Variants in AADAC observed in about 807,000 individuals in gnomAD.
The protein encoded by AADAC is arylacetamide deacetylase, also known as arylacetamide deacetylase (esterase).
Under a neutral mutation model 22.7 loss-of-function variants are expected in AADAC, and 17 were observed. That is an observed-to-expected ratio of 0.75 (90% confidence interval 0.51 to 1.12). AADAC has a LOEUF of 1.12. AADAC is among the 50% of genes most tolerant of loss of function. The pLI, the probability that AADAC is intolerant of heterozygous loss-of-function variation, is 0.00. For missense variants in AADAC, 465 were observed against 473.9 expected, an observed-to-expected ratio of 0.98 and a Z score of 0.17; for synonymous variants, 167 against 176.3, an observed-to-expected ratio of 0.95 and a Z score of 0.42.
At chr3:151,819,562 T>C (rs1420481857) in intron 2 of AADAC, among the ~76,000 whole-genome samples, 2 of 151,960 alleles carry the variant, frequency 1.3e-5, no homozygotes, top group Admixed American at 1.3e-4. Flanking sequence ...GTAGGAGAAT[T>C]TTCTTTTATT....
intron 2 of AADAC, 25 bp from the exon 3 acceptor site, chr3:151,820,358 T>A (rs1325586325): frequency 6.5e-7 from 1 of 1,528,536 alleles, no homozygotes; most frequent in Admixed American, 1.9e-5. Context: ...TTTACTAATA[T>A]GTTGCTTTTA....
chr3:151,822,007 C>T (rs1374576502), intron 3 of AADAC, among the ~76,000 whole-genome samples: 2 of 151,624 alleles, frequency 1.3e-5, no homozygotes, highest in Non-Finnish European at 1.5e-5. Flanking sequence ...AGATGAAGAA[C>T]TCCAATATTA....
chr3:151,820,101 A>T (rs900980350), intron 2 of AADAC, among the ~76,000 whole-genome samples: 2 of 151,886 alleles, frequency 1.3e-5, no homozygotes, highest in Non-Finnish European at 2.9e-5. Context: ...AGTTGGGTTA[A>T]TCTAGAGAAT....
At chr3:151,827,068 C>T (rs1223365483) in intron 4 of AADAC, among the ~76,000 whole-genome samples, 2 of 151,800 alleles carry the variant, frequency 1.3e-5, no homozygotes, top group Non-Finnish European at 2.9e-5. Flanking sequence ...GTGTGCGTTA[C>T]CATACCTGGC....
At chr3:151,814,938 C>A (rs1451821731) in intron 1 of AADAC, among the ~76,000 whole-genome samples, 2 of 151,944 alleles carry the variant, frequency 1.3e-5, no homozygotes, top group African/African-American at 4.8e-5. Context: ...ATTTTATTAT[C>A]TTCATTAAAA....
At chr3:151,826,662 TAATATTTCATTCTTATAAGTC>T (rs1012295855) in intron 4 of AADAC, among the ~76,000 whole-genome samples, 51 of 152,112 alleles carry the variant, frequency 3.4e-4, no homozygotes, top group African/African-American at 1.2e-3. Flanking sequence ...ACATATTTTG[TAATATTTCATTCTTATAAGTC>T]TCCTTTTTTC....
chr3:151,817,270 T>C, intron 1 of AADAC, 96 bp from the exon 2 acceptor site: 3 of 1,030,276 alleles, frequency 2.9e-6, no homozygotes, highest in South Asian at 3.2e-5. Flanking sequence ...TTCATTCCAT[T>C]TGAGTTTATT....
At chr3:151,826,712 T>A (rs1021383100) in intron 4 of AADAC, among the ~76,000 whole-genome samples, 14 of 151,924 alleles carry the variant, frequency 9.2e-5, no homozygotes, top group Non-Finnish European at 1.6e-4. Flanking sequence ...TATTGGTATA[T>A]CCCTCTTTAC....
intron 3 of AADAC, among the ~76,000 whole-genome samples, chr3:151,822,926 A>G (rs1716310188): frequency 6.6e-6 from 1 of 151,962 alleles, no homozygotes; most frequent in Admixed American, 6.6e-5. Flanking sequence ...ATTAAAAATT[A>G]AGGGCATACT....
intron 4 of AADAC, among the ~76,000 whole-genome samples, chr3:151,826,675 T>C (rs555069002): frequency 2.0e-5 from 3 of 151,992 alleles, no homozygotes; most frequent in Admixed American, 6.6e-5. Context: ...TATTTCATTC[T>C]TATAAGTCTC....
At chr3:151,824,627 A>G (rs769720562) in intron 3 of AADAC, 36 bp from the exon 4 acceptor site, 2 of 1,441,670 alleles carry the variant, frequency 1.4e-6, no homozygotes, top group Non-Finnish European at 1.8e-6. Context: ...ATCAAAACAA[A>G]CAAAAAAATG....
chr3:151,824,905 T>C (rs988592375), intron 4 of AADAC, 71 bp downstream of exon 4: 10 of 1,215,324 alleles, frequency 8.2e-6, no homozygotes, highest in Admixed American at 6.5e-5. Context: ...TTTATAAACA[T>C]ATTGAATGCA....
At chr3:151,821,708 G>A (rs2037364) in intron 3 of AADAC, among the ~76,000 whole-genome samples, 90,941 of 151,648 alleles carry the variant, frequency 0.6, 27,754 homozygotes, top group Non-Finnish European at 0.64. Context: ...TATAGTATAA[G>A]ACCGACATCT....
intron 2 of AADAC, among the ~76,000 whole-genome samples, chr3:151,819,989 C>T (rs992561711): frequency 1.3e-5 from 2 of 152,092 alleles, no homozygotes; most frequent in African/African-American, 4.8e-5. Flanking sequence ...CCTTGGCTCA[C>T]ATATCTGACA....
chr3:151,815,584 A>AT (rs1248724220), intron 1 of AADAC, among the ~76,000 whole-genome samples: 1 of 151,536 alleles, frequency 6.6e-6, no homozygotes, highest in Admixed American at 6.6e-5. Context: ...GAGGTCTTTG[A>AT]TTTTTTTCTT....
intron 3 of AADAC, among the ~76,000 whole-genome samples, chr3:151,822,391 C>A (rs2108031750): frequency 6.6e-6 from 1 of 152,026 alleles, no homozygotes; most frequent in South Asian, 2.1e-4. Context: ...AAAGTGGAAG[C>A]AACCCAATGT....
intron 2 of AADAC, among the ~76,000 whole-genome samples, chr3:151,818,110 G>A (rs1009857353): frequency 6.6e-6 from 1 of 151,468 alleles, no homozygotes; most frequent in Non-Finnish European, 1.5e-5. Flanking sequence ...GTGTGGTGGC[G>A]GGCACACATT....
intron 1 of AADAC, 121 bp from the exon 2 acceptor site, chr3:151,817,245 T>C (rs1322830962): frequency 3.8e-6 from 3 of 792,112 alleles, no homozygotes; most frequent in Non-Finnish European, 4.1e-6. Flanking sequence ...GCAGGATTCA[T>C]GCATGAAAAT....
chr3:151,820,001 C>T (rs945675538), intron 2 of AADAC, among the ~76,000 whole-genome samples: 2 of 152,034 alleles, frequency 1.3e-5, no homozygotes, highest in Non-Finnish European at 1.5e-5. Context: ...TATCTGACAA[C>T]GTATTGATCA....
Sources: gnomAD v4.1 joint callset for allele counts (sites outside exome capture counted in the v4.1 genomes callset) on GRCh38, gnomAD v4.1.1 for gene constraint, MANE v1.5 for transcripts, NCBI Gene and HGNC (gene_info 2026-07-23, HGNC 2026-07-21) for gene names.